Variants in DNM1 observed in about 807,000 individuals in gnomAD.
DNM1 encodes dynamin 1, also known as dynamin-1.
DNM1 carries 29 observed loss-of-function variants against 104.6 expected under a neutral mutation model. The ratio of observed to expected loss-of-function variants is 0.28; its 90% CI spans 0.21 to 0.38. The LOEUF (loss-of-function observed/expected upper bound fraction) is 0.38. Among genes scored for constraint, DNM1 ranks in the 10% least tolerant of loss-of-function variants. The probability of loss-of-function intolerance (pLI) is 1.00; values close to 1 mark genes in which losing one functional copy is unlikely to be tolerated. For synonymous variants in DNM1, 445 were observed against 475.8 expected, an observed-to-expected ratio of 0.94 and a Z score of 0.84; for missense variants, 640 against 1,189.4, an observed-to-expected ratio of 0.54 and a Z score of 6.79.
chr9:128,249,797 G>T (rs1295534246), intron 19 of DNM1, among the ~76,000 whole-genome samples: 1 of 151,862 alleles, frequency 6.6e-6, no homozygotes, highest in African/African-American at 2.4e-5. Flanking sequence ...CTGTACTCCA[G>T]CCTGGTGAAA....
intron 1 of DNM1, among the ~76,000 whole-genome samples, chr9:128,213,766 G>A (rs919693978): frequency 6.6e-6 from 1 of 152,132 alleles, no homozygotes; most frequent in African/African-American, 2.4e-5. Context: ...TCTGCTACAT[G>A]CCAGACCCAG....
At position 128,218,454 on chromosome 9, in the gene DNM1, G is replaced by A; in HGVS notation, c.236-128G>A. On this transcript the variant is annotated intron_variant, in intron 2 of 21. Transcript: ENST00000372923. This position sits in a 1 kb window ranked among gnomAD's most constrained non-coding sequence, Gnocchi z 4.8. ...GATAGCGGGGATCAAAATACATAAT[G>A]GAGACGTGGGTGGTGGTTCTGCTTG... 1 of 1,392,038 alleles carries A rather than the reference G, an allele frequency of 7.2e-7. No homozygotes were observed. Among genetic ancestry groups the A allele is most frequent in the Non-Finnish European group, 1.0e-6 (1 of 987,912 alleles). 86.2% of individuals were successfully genotyped at this position (1,392,038 alleles called of 1,614,324 possible).
rs1233376133 is a variant in DNM1 at position 128,243,940 on chromosome 9, T to TG, written c.1671+1595_1671+1596insG. The stretch of plus-strand genomic sequence containing the variant: ...TGTGGGTGCTGGGAGGCGGGGTGTG[T>TG]TTGTGTGTGTGTGTGTGTGTGTGTG... On this transcript the variant is annotated intron_variant, in intron 15 of 21. Coordinates refer to ENST00000372923, the MANE Select transcript of DNM1 (RefSeq NM_004408.4). The surrounding 1 kb of genome is among the most constrained non-coding windows in gnomAD (Gnocchi z 4.0). 7.6e-5 allele frequency among the ~76,000 whole-genome samples: 11 copies of TG among 143,918 alleles called. 1 individual carries two copies. The highest frequency in any genetic ancestry group is 2.9e-4 in the African/African-American group (11 of 37,552). 94.4% of individuals were successfully genotyped at this position (143,918 alleles called of 152,430 possible).
Position 128,224,405 on chromosome 9 carries a change from G to A in DNM1, c.1335+16G>A, listed in dbSNP as rs768442528. On this transcript the variant is annotated intron_variant, in intron 10 of 21. Transcript: ENST00000372923. The surrounding 1 kb of genome is among the most constrained non-coding windows in gnomAD (Gnocchi z 4.3). Reference sequence around the variant, plus strand: ...CACCAAGAAGGTAACCCGGAGGCCCGGGCCAGCCCCCACCGCCTCTGCCCC... The same window carrying A: ...CACCAAGAAGGTAACCCGGAGGCCCAGGCCAGCCCCCACCGCCTCTGCCCC... 2.1e-5 allele frequency: 33 copies of A among 1,602,492 alleles called. No homozygotes were observed. The African/African-American group carries it at 2.5e-4, about 12-fold the overall frequency.
chr9:128,249,179 C>T (rs1201341451), intron 19 of DNM1, among the ~76,000 whole-genome samples: 2 of 129,166 alleles, frequency 1.5e-5, no homozygotes, highest in South Asian at 2.5e-4. Flanking sequence ...GCCGACAGAG[C>T]GAGACTCCAT....
rs1835102459 is a variant in DNM1, at chr9:128,222,821, G to A, written c.1157G>A (p.Arg386Lys). 6.8e-6 allele frequency: 11 copies of A among 1,614,120 alleles called. 1 individual carries two copies. In the East Asian group the frequency reaches 2.5e-4, roughly 36 times the overall value. Residue 386 changes from arginine to lysine, a missense_variant, in exon 9 of 22, where the codon AGG (arginine) becomes AAG (lysine). Arg to Lys is a conservative substitution (Grantham distance 26). This residue lies in a region of DNM1 where 38 missense variants were observed against 113.5 expected (regional missense o/e 0.33). Transcript: ENST00000372923. This position sits in a 1 kb window ranked among gnomAD's most constrained non-coding sequence, Gnocchi z 7.8. Reference protein sequence around the residue: ...KMEFDEKELRREISYAIKNIH... With the variant: ...KMEFDEKELRKEISYAIKNIH... ...GAGTTTGATGAGAAGGAACTCCGAA[G>A]GGAGATCAGCTATGCTATCAAGAAT... is the stretch of plus-strand genomic sequence containing the variant.
rs751386840 is a variant in DNM1 at position 128,245,047 on chromosome 9, C to T, written c.1672-1347C>T. ...GGAGGGGCCTGAGGAGGGGGCCGGC[C>T]GGCAGGAAGGGAGGGGTGGGGGGAG... On this transcript the variant is annotated intron_variant, in intron 15 of 21. Coordinates refer to ENST00000372923, the MANE Select transcript of DNM1 (RefSeq NM_004408.4). This position sits in a 1 kb window ranked among gnomAD's most constrained non-coding sequence, Gnocchi z 5.2. 7.7e-5 allele frequency: 18 copies of T among 233,000 alleles called. No individual in the cohort carries two copies. The highest frequency in any genetic ancestry group is 2.5e-4 in the African/African-American group (11 of 43,310). The allele number at this position is 233,000 out of a possible 1,614,324, so 14.4% of individuals were successfully genotyped here.
chr9:128,234,155 G>A (rs1835867552), intron 11 of DNM1, 48 bp downstream of exon 11: 1 of 1,437,760 alleles, frequency 7.0e-7, no homozygotes. Context: ...TCCACTCCTG[G>A]CCGCCTGCGC....
Position 128,224,307 on chromosome 9 carries a change from A to C in DNM1, c.1253A>C (p.Lys418Thr). The change falls in exon 10 of 22, where the codon AAG (lysine) becomes ACG (threonine). Residue 418 changes from lysine (K) to threonine (T), a missense_variant. Lys to Thr is a moderately conservative substitution (Grantham distance 78). Coordinates refer to ENST00000372923, the MANE Select transcript of DNM1 (RefSeq NM_004408.4). The surrounding 1 kb of genome is among the most constrained non-coding windows in gnomAD (Gnocchi z 4.3). The part of the protein sequence containing the change: ...AFETIVKKQV[K>T]KIREPCLKCV... ...GAGACCATTGTGAAAAAGCAGGTGAAGAAGATCCGAGAACCGTGTCTCAAG... is the reference window on the plus strand; with the variant it reads ...GAGACCATTGTGAAAAAGCAGGTGACGAAGATCCGAGAACCGTGTCTCAAG... 6.2e-7 allele frequency: 1 copy of C among 1,614,144 alleles called. No homozygotes were observed. Among genetic ancestry groups the C allele is most frequent in the Non-Finnish European group, 8.5e-7 (1 of 1,180,004 alleles).
Position 128,253,628 on chromosome 9 carries a change from G to A in DNM1, c.2535-1026G>A, listed in dbSNP as rs111361470. The A allele has an allele frequency of 3.1e-3, 626 of 204,156 alleles. 1 individual carries two copies. Among genetic ancestry groups the A allele is most frequent in the Non-Finnish European group, 4.7e-3 (480 of 102,434 alleles). The allele number at this position is 204,156 out of a possible 1,614,324, so 12.6% of individuals were successfully genotyped here. On this transcript the variant is annotated intron_variant, in intron 21 of 21. Transcript: ENST00000372923. This position sits in a 1 kb window ranked among gnomAD's most constrained non-coding sequence, Gnocchi z 5.9. ...GGGAGTGCTGAGAGCCAAATCCACC[G>A]TAGAGCAGGGGTGAGAGTCAGGGTC...
intron 20 of DNM1, 134 bp from the exon 21 acceptor site, chr9:128,250,591 C>T (rs1829454395): frequency 1.0e-6 from 1 of 993,934 alleles, no homozygotes; most frequent in Non-Finnish European, 1.4e-6. Flanking sequence ...TAAGCTCCGG[C>T]GACCGCCTTA....
At chr9:128,206,693 T>C (rs1015504257) in intron 1 of DNM1, among the ~76,000 whole-genome samples, 1 of 152,012 alleles carries the variant, frequency 6.6e-6, no homozygotes. Context: ...AAGAATTTGG[T>C]GCCTTTGAAG....
intron 10 of DNM1, among the ~76,000 whole-genome samples, chr9:128,225,530 G>A (rs2131187194): frequency 6.6e-6 from 1 of 152,324 alleles, no homozygotes; most frequent in East Asian, 1.9e-4. Flanking sequence ...GAGGTTTGGA[G>A]TCAGGATGAA....
intron 10 of DNM1, among the ~76,000 whole-genome samples, chr9:128,228,297 C>T (rs1835465220): frequency 6.6e-6 from 1 of 152,134 alleles, no homozygotes; most frequent in Non-Finnish European, 1.5e-5. Context: ...CCCACCTCAG[C>T]CTCCCAAAGT....
rs1836924816 is a variant in DNM1 at position 128,247,892 on chromosome 9, G to A, written c.1894-32G>A. The A allele has an allele frequency of 6.2e-7, 1 of 1,611,626 alleles. No homozygotes were observed. The highest frequency in any genetic ancestry group is 8.5e-7 in the Non-Finnish European group (1 of 1,178,522). ...TCGGCTGTGCTCCCTGGTGGTGGCG[G>A]CGGTGGCAATGTTGGTGTGTGGGCC... On this transcript the variant is annotated intron_variant, in intron 17 of 21. Coordinates refer to ENST00000372923, the MANE Select transcript of DNM1 (RefSeq NM_004408.4). The surrounding 1 kb of genome is among the most constrained non-coding windows in gnomAD (Gnocchi z 5.1).
intron 11 of DNM1, 124 bp from the exon 12 acceptor site, chr9:128,239,321 A>T: frequency 1.4e-6 from 1 of 725,516 alleles, no homozygotes; most frequent in Non-Finnish European, 2.4e-6. Context: ...GATGGTAGGG[A>T]CTATATTTAT....
chr9:128,252,952 G>A, intron 21 of DNM1: 1 of 759,264 alleles, frequency 1.3e-6, no homozygotes. Flanking sequence ...TGTTGTTTGT[G>A]GGCATGTGTG....
intron 1 of DNM1, among the ~76,000 whole-genome samples, chr9:128,210,765 C>T (rs1264678060): frequency 6.6e-6 from 1 of 152,096 alleles, no homozygotes; most frequent in African/African-American, 2.4e-5. Context: ...GCCTCCAGTC[C>T]ACACTTTTCC....
At chr9:128,215,486 G>C (rs1168064275) in intron 1 of DNM1, among the ~76,000 whole-genome samples, 1 of 152,248 alleles carries the variant, frequency 6.6e-6, no homozygotes, top group Non-Finnish European at 1.5e-5. Flanking sequence ...TGGGCACCAG[G>C]AGATCTTGGC....
Sources: gnomAD v4.1 joint callset for allele counts (sites outside exome capture counted in the v4.1 genomes callset) on GRCh38, gnomAD v4.1.1 for gene constraint, gnomAD v4.1.1 regional missense constraint, Gnocchi (gnomAD v3.1) non-coding constraint, MANE v1.5 for transcripts, NCBI Gene and HGNC (gene_info 2026-07-23, HGNC 2026-07-21) for gene names.